NRG3: variants seen among roughly 807,000 people sequenced by gnomAD.
The protein encoded by NRG3 is pro-neuregulin-3, membrane-bound isoform.
In NRG3, 31 loss-of-function variants were observed where a neutral mutation model predicts 66.9. The observed-to-expected ratio is 0.46, with a 90% CI of 0.35 to 0.63. The LOEUF is 0.63. Ranked by LOEUF, NRG3 falls within the 20% of genes least tolerant of loss-of-function variation. NRG3 has a pLI of 0.00. For missense variants in NRG3, 910 were observed against 878.9 expected (o/e 1.04, Z -0.45); for synonymous variants, 393 against 359.4 (o/e 1.09, Z -1.06).
At chr10:82,036,533 T>C (rs2062799714) in intron 1 of NRG3, among the ~76,000 whole-genome samples, 1 of 152,178 alleles carries the variant, frequency 6.6e-6, no homozygotes. Flanking sequence ...ATGCTTTATG[T>C]TATATGATGC....
chr10:82,619,639 G>A (rs903587104), intron 2 of NRG3, among the ~76,000 whole-genome samples: 6 of 152,164 alleles, frequency 3.9e-5, no homozygotes, highest in African/African-American at 1.4e-4. Context: ...AATCTCCAGT[G>A]CATCATAATG....
At chr10:82,446,517 C>A (rs895003921) in intron 2 of NRG3, among the ~76,000 whole-genome samples, 11 of 152,270 alleles carry the variant, frequency 7.2e-5, no homozygotes, top group African/African-American at 2.6e-4. Flanking sequence ...CCATTATCCT[C>A]AGCAAACTAA....
intron 1 of NRG3, among the ~76,000 whole-genome samples, chr10:82,008,740 A>C (rs186097422): frequency 4.1e-4 from 63 of 152,294 alleles, no homozygotes; most frequent in Non-Finnish European, 7.6e-4. Flanking sequence ...AATTTGAATA[A>C]AAGAAAAAAA....
intron 3 of NRG3, among the ~76,000 whole-genome samples, chr10:82,788,282 A>G (rs2135348317): frequency 6.6e-6 from 1 of 152,328 alleles, no homozygotes; most frequent in South Asian, 2.1e-4. Flanking sequence ...ACATAAAGGT[A>G]AGAAACTACC....
At position 82,973,910 on chromosome 10, in the gene NRG3, C is replaced by G. The variant is rs1852002739; in HGVS notation, c.1407C>G (p.His469Gln). 6.2e-7 allele frequency: 1 copy of G among 1,613,848 alleles called. No homozygotes were observed. The highest frequency in any genetic ancestry group is 8.5e-7 in the Non-Finnish European group (1 of 1,179,932). Residue 469 changes from histidine (H) to glutamine (Q), a missense_variant, in exon 7 of 9, where the codon CAC (histidine) becomes CAG (glutamine). Physicochemically the swap from His to Gln is conservative, Grantham distance 24. Coordinates refer to ENST00000372141, the MANE Select transcript of NRG3 (RefSeq NM_001010848.4). ...SPDRGSQSVK[H>Q]HRSLSSCCSP... The stretch of plus-strand genomic sequence containing the variant: ...ACAGAGGAAGCCAGTCTGTCAAACA[C>G]CACAGGTACAAGTAGCTCATCATGG...
intron 2 of NRG3, among the ~76,000 whole-genome samples, chr10:82,695,081 A>G (rs1355860521): frequency 6.6e-6 from 1 of 152,176 alleles, no homozygotes; most frequent in Non-Finnish European, 1.5e-5. Context: ...TACACAAATG[A>G]CTTCAATTTA....
At chr10:82,192,402 A>G (rs2074197857) in intron 1 of NRG3, among the ~76,000 whole-genome samples, 1 of 152,194 alleles carries the variant, frequency 6.6e-6, no homozygotes, top group African/African-American at 2.4e-5. Flanking sequence ...CTGAAGCTGA[A>G]TAATTTGTGG....
chr10:82,924,580 A>G, intron 4 of NRG3, among the ~76,000 whole-genome samples: 1 of 144,220 alleles, frequency 6.9e-6, no homozygotes, highest in African/African-American at 2.6e-5. Context: ...TCTCACATTA[A>G]AAAAAAAAAA....
At chr10:82,595,751 C>T (rs2047237711) in intron 2 of NRG3, among the ~76,000 whole-genome samples, 1 of 151,736 alleles carries the variant, frequency 6.6e-6, no homozygotes, top group Non-Finnish European at 1.5e-5. Flanking sequence ...TGCCATTGCA[C>T]TCCAGTCTGG....
At chr10:82,044,027 G>A (rs1200409190) in intron 1 of NRG3, among the ~76,000 whole-genome samples, 1 of 152,064 alleles carries the variant, frequency 6.6e-6, no homozygotes, top group Non-Finnish European at 1.5e-5. Flanking sequence ...GTGAGCGACA[G>A]TGATTGTTTG....
intron 1 of NRG3, among the ~76,000 whole-genome samples, chr10:82,345,423 A>G (rs1273584149): frequency 6.6e-6 from 1 of 151,776 alleles, no homozygotes; most frequent in Admixed American, 6.6e-5. Flanking sequence ...ATTGATCTAT[A>G]TCTCTGTTTT....
chr10:82,371,515 C>T (rs1480858255), intron 2 of NRG3, among the ~76,000 whole-genome samples: 1 of 152,080 alleles, frequency 6.6e-6, no homozygotes, highest in Admixed American at 6.6e-5. Context: ...GATGAATGTT[C>T]TCAGAAAAAC....
At chr10:82,720,894 T>C (rs2057277023) in intron 2 of NRG3, among the ~76,000 whole-genome samples, 1 of 146,000 alleles carries the variant, frequency 6.8e-6, no homozygotes, top group African/African-American at 2.6e-5. Flanking sequence ...CAGAAACTAA[T>C]CACCATGTAT....
At chr10:82,703,511 A>C (rs1046208556) in intron 2 of NRG3, among the ~76,000 whole-genome samples, 1 of 152,124 alleles carries the variant, frequency 6.6e-6, no homozygotes, top group Non-Finnish European at 1.5e-5. Flanking sequence ...CTAATGACAC[A>C]TATTTGTGAA....
Position 81,875,600 on chromosome 10 carries a change from A to G in NRG3, c.260A>G (p.Lys87Arg), listed in dbSNP as rs1349452281. 3.1e-6 allele frequency: 5 copies of G among 1,613,498 alleles called. No homozygotes were observed. The highest frequency in any genetic ancestry group is 2.2e-5 in the East Asian group (1 of 44,832). Residue 87 changes from lysine (K) to arginine (R), a missense_variant, in exon 1 of 9, where the codon AAA becomes AGA. Coordinates refer to ENST00000372141, the MANE Select transcript of NRG3 (RefSeq NM_001010848.4). The surrounding 1 kb of genome is among the most constrained non-coding windows in gnomAD (Gnocchi z 5.3). ...IGLGLSLMLL[K>R]WIVVGSVKEY... ...CTGGGGCTCAGCCTCATGCTTCTCA[A>G]ATGGATCGTGGTGGGCTCCGTCAAG...
chr10:82,067,966 A>C (rs7918748), intron 1 of NRG3, among the ~76,000 whole-genome samples: 4,505 of 152,320 alleles, frequency 0.03, 231 homozygotes, highest in African/African-American at 0.1. Flanking sequence ...TTCATCACAG[A>C]AAAGCATATT....
chr10:81,910,688 T>A (rs1845049902), intron 1 of NRG3, among the ~76,000 whole-genome samples: 1 of 152,164 alleles, frequency 6.6e-6, no homozygotes, highest in South Asian at 2.1e-4. Context: ...TGATCTCTTA[T>A]GCAGGCTGGA....
intron 1 of NRG3, chr10:81,889,208 C>T (rs568358975): frequency 6.6e-6 from 1 of 152,298 alleles, no homozygotes; most frequent in Non-Finnish European, 1.5e-5. Context: ...GAGGCAAAAA[C>T]TCCTTTATGA....
intron 3 of NRG3, among the ~76,000 whole-genome samples, chr10:82,822,036 C>T (rs576288791): frequency 2.6e-5 from 4 of 152,198 alleles, no homozygotes; most frequent in South Asian, 4.1e-4. Flanking sequence ...TTCGGTTTCC[C>T]TGCAGACACA....
Sources: gnomAD v4.1 joint callset for allele counts (sites outside exome capture counted in the v4.1 genomes callset) on GRCh38, gnomAD v4.1.1 for gene constraint, Gnocchi (gnomAD v3.1) non-coding constraint, MANE v1.5 for transcripts, NCBI Gene and HGNC (gene_info 2026-07-23, HGNC 2026-07-21) for gene names.